Variants in LPAR2 observed in about 807,000 individuals in gnomAD.
The protein encoded by LPAR2 is G protein-coupled receptor.
A neutral mutation model predicts 15.6 loss-of-function variants in LPAR2; 10 were observed. That is an observed-to-expected ratio of 0.64 (90% CI 0.39 to 1.09). The LOEUF is 1.09. Ranked by LOEUF, LPAR2 falls within the 50% of genes least tolerant of loss-of-function variation. LPAR2 has a pLI of 0.01. For missense variants in LPAR2, 413 were observed against 484.6 expected (o/e 0.85, Z 1.39); for synonymous variants, 204 against 207.4 (o/e 0.98, Z 0.14).
At chr19:19,625,923 G>A (rs2061737646) in intron 2 of LPAR2, among the ~76,000 whole-genome samples, 1 of 123,768 alleles carries the variant, frequency 8.1e-6, no homozygotes, top group South Asian at 2.7e-4. Context: ...CGCTCTTGTT[G>A]CCCAGGCTGG....
Position 19,626,359 on chromosome 19 carries a change from T to C in LPAR2, c.742+184A>G, listed in dbSNP as rs909105923. On this transcript the variant is annotated intron_variant, in intron 2 of 2. Coordinates refer to ENST00000407877, the MANE Select transcript of LPAR2 (RefSeq NM_004720.7). The surrounding 1 kb of genome is among the most constrained non-coding windows in gnomAD (Gnocchi z 5.3). ...CGTTTCCTCTGCCTGGAAGGCTCTC[T>C]GTTCCTATCCTCAGCATTCAGGCCT... 1.3e-5 allele frequency among the ~76,000 whole-genome samples: 2 copies of C among 152,242 alleles called. No homozygotes were observed.
rs145986311 is a variant in LPAR2 at position 19,626,578 on chromosome 19, G to A, written c.707C>T (p.Thr236Met). The A allele has an allele frequency of 6.6e-3, 10,597 of 1,612,256 alleles. 54 individuals carry two copies. Among genetic ancestry groups the A allele is most frequent in the Non-Finnish European group, 7.4e-3 (8,780 of 1,179,518 alleles). Reference sequence around the variant, plus strand: ...GACAACAGTCTTGACCAGGCTGAGCGTGGTCTCTCGGTAGCGGGGGTGGCA... The same window carrying A: ...GACAACAGTCTTGACCAGGCTGAGCATGGTCTCTCGGTAGCGGGGGTGGCA... Residue 236 changes from threonine to methionine, a missense_variant, in exon 2 of 3, where the codon ACG becomes ATG. Transcript: ENST00000407877. This position sits in a 1 kb window ranked among gnomAD's most constrained non-coding sequence, Gnocchi z 5.3.
chr19:19,627,386 A>C lies in LPAR2; in HGVS notation c.1-102T>G. 1 of 1,214,760 alleles carries C rather than the reference A, an allele frequency of 8.2e-7. No homozygotes were observed. The highest frequency in any genetic ancestry group is 1.2e-6 in the Non-Finnish European group (1 of 865,988). The allele number at this position is 1,214,760 out of a possible 1,614,324, so 75.2% of individuals were successfully genotyped here. A position where few individuals can be genotyped will look rare whatever the true frequency, so the allele number is the denominator to read the frequency against. The stretch of plus-strand genomic sequence containing the variant: ...CAGCGCAGGAAGGACAAGGGTCTCA[A>C]ATTCAGATACCTCGAAGCAAAGTGG... On this transcript the variant is annotated intron_variant, in intron 1 of 2. Coordinates refer to ENST00000407877, the MANE Select transcript of LPAR2 (RefSeq NM_004720.7). This position sits in a 1 kb window ranked among gnomAD's most constrained non-coding sequence, Gnocchi z 4.7.
chr19:19,625,872 TCC>T (rs1365968783), intron 2 of LPAR2, among the ~76,000 whole-genome samples: 1 of 125,848 alleles, frequency 7.9e-6, no homozygotes, highest in Non-Finnish European at 1.6e-5. Context: ...TGCTAAAAAC[TCC>T]TTTTTTTTTT....
Position 19,626,857 on chromosome 19 carries a change from G to A in LPAR2, c.428C>T (p.Pro143Leu), listed in dbSNP as rs1406187964. The change falls in exon 2 of 3, where the codon CCC (proline) becomes CTC (leucine). Residue 143 changes from proline (P) to leucine (L), a missense_variant. Coordinates refer to ENST00000407877, the MANE Select transcript of LPAR2 (RefSeq NM_004720.7). The surrounding 1 kb of genome is among the most constrained non-coding windows in gnomAD (Gnocchi z 5.3). ...AATGAGCATGACCACGCGGCCACGG[G>A]GCAGGCGGCTGTGCAGCTGCACGGC... 1.3e-6 allele frequency: 2 copies of A among 1,593,918 alleles called. No homozygotes were observed. The highest frequency in any genetic ancestry group is 1.7e-6 in the Non-Finnish European group (2 of 1,170,990).
At position 19,624,234 on chromosome 19, in the gene LPAR2, G is replaced by A. The variant is rs117593489; in HGVS notation, c.*22C>T. On this transcript the variant is annotated 3_prime_UTR_variant, in exon 3 of 3. Coordinates refer to ENST00000407877, the MANE Select transcript of LPAR2 (RefSeq NM_004720.7). ...GGGCTGTGGATTTGTTGCTTGCCGC[G>A]TACCGCTGAAGTTCAAGGTAGCTAA... The A allele has an allele frequency of 5.3e-3, 8,345 of 1,584,276 alleles. 336 individuals carry two copies. In the Admixed American group the frequency reaches 0.092, roughly 17 times the overall value.
chr19:19,624,407 A>G lies in LPAR2; in HGVS notation c.905T>C (p.Met302Thr). The change falls in exon 3 of 3, where the codon ATG becomes ACG. Residue 302 changes from methionine to threonine, a missense_variant. Transcript: ENST00000407877. ...GAGAAGGCGGCGGAAGGTGCGGCGC[A>G]TCTCAGCATCTCGGCAAGAGTACAC... is the stretch of plus-strand genomic sequence containing the variant. 2 of 1,614,182 alleles carry G rather than the reference A, an allele frequency of 1.2e-6. No individual in the cohort carries two copies. The highest frequency in any genetic ancestry group is 2.2e-5 in the East Asian group (1 of 44,886).
Position 19,627,225 on chromosome 19 carries a change from A to G in LPAR2, c.60T>C (p.Ser20=). 4 of 1,610,882 alleles carry G rather than the reference A, an allele frequency of 2.5e-6. No individual in the cohort carries two copies. The highest frequency in any genetic ancestry group is 1.1e-5 in the South Asian group (1 of 91,086). ...GCCAGTGGGAGCTGAGCTCTTTGCCACTGTTGTTATAGAAGAAGCCGATGG... is the reference window on the plus strand; with the variant it reads ...GCCAGTGGGAGCTGAGCTCTTTGCCGCTGTTGTTATAGAAGAAGCCGATGG... Residue 20 remains serine, a synonymous_variant, in exon 2 of 3, where the codon AGT becomes AGC. Transcript: ENST00000407877. This position sits in a 1 kb window ranked among gnomAD's most constrained non-coding sequence, Gnocchi z 4.7.
rs1004049357 is a variant in LPAR2, at chr19:19,623,886, C to T, written c.*370G>A. On this transcript the variant is annotated 3_prime_UTR_variant, in exon 3 of 3. Transcript: ENST00000407877. ...CCCAGTCATACCGGGTAGCATGGCC[C>T]GAGAGAGCCCTTATCTCTCCCCACC... The T allele has an allele frequency of 4.4e-6, 1 of 227,660 alleles. No individual in the cohort carries two copies. The highest frequency in any genetic ancestry group is 8.7e-6 in the Non-Finnish European group (1 of 114,708). The allele number at this position is 227,660 out of a possible 1,614,324, so 14.1% of individuals were successfully genotyped here.
At position 19,626,671 on chromosome 19, in the gene LPAR2, A is replaced by T; in HGVS notation, c.614T>A (p.Val205Glu). 1 of 1,613,632 alleles carries T rather than the reference A, an allele frequency of 6.2e-7. No individual in the cohort carries two copies. The highest frequency in any genetic ancestry group is 8.5e-7 in the Non-Finnish European group (1 of 1,180,042). The change falls in exon 2 of 3, where the codon GTG becomes GAG. Residue 205 changes from valine (V) to glutamate (E), a missense_variant. Val to Glu is a moderately radical substitution (Grantham distance 121). Coordinates refer to ENST00000407877, the MANE Select transcript of LPAR2 (RefSeq NM_004720.7). The surrounding 1 kb of genome is among the most constrained non-coding windows in gnomAD (Gnocchi z 5.3). ...GAAGAAAATGCGGGTGTACACAGCC[A>T]CCATGAGCAGGAAGACAAGCAGGCT...
At position 19,627,001 on chromosome 19, in the gene LPAR2, C is replaced by T. The variant is rs761200801; in HGVS notation, c.284G>A (p.Arg95His). ...GCCCTCAAGTGAAAGTCGGGCTGTG[C>T]GGGGACCAGTGTGGAACATGAGGAA... The change falls in exon 2 of 3, where the codon CGC (arginine) becomes CAC (histidine). Residue 95 changes from arginine (R) to histidine (H), a missense_variant. Physicochemically the swap from Arg to His is conservative, Grantham distance 29. Coordinates refer to ENST00000407877, the MANE Select transcript of LPAR2 (RefSeq NM_004720.7). This position sits in a 1 kb window ranked among gnomAD's most constrained non-coding sequence, Gnocchi z 4.7. 4.3e-6 allele frequency: 7 copies of T among 1,613,370 alleles called. 1 individual carries two copies. Among genetic ancestry groups the T allele is most frequent in the African/African-American group, 4.0e-5 (3 of 74,936 alleles).
At chr19:19,624,656 G>C in intron 2 of LPAR2, 87 bp from the exon 3 acceptor site, 1 of 1,104,004 alleles carries the variant, frequency 9.1e-7, no homozygotes, top group Non-Finnish European at 1.3e-6. Flanking sequence ...GTGGTCTCCA[G>C]AGCTCGAGCA....
rs1015300590 is a variant in LPAR2, at chr19:19,628,208, G to C, written c.-117C>G. ...TAGAGCGTCCGGGTGCGCCCTGTGC[G>C]GGTTGCTGAGAGGGCGCGGGAGGCG... On this transcript the variant is annotated 5_prime_UTR_variant, in exon 1 of 3. Coordinates refer to ENST00000407877, the MANE Select transcript of LPAR2 (RefSeq NM_004720.7). The C allele has an allele frequency of 3.3e-5, 5 of 152,044 alleles. No homozygotes were observed. Among genetic ancestry groups the C allele is most frequent in the African/African-American group, 9.7e-5 (4 of 41,416 alleles). The allele number at this position is 152,044 out of a possible 1,614,324, so 9.4% of individuals were successfully genotyped here. A position where few individuals can be genotyped will look rare whatever the true frequency, so the allele number is the denominator to read the frequency against.
In LPAR2 at chr19:19,627,697, G is replaced by T. The variant is rs2002318; in HGVS notation, c.-1+395C>A. On this transcript the variant is annotated intron_variant, in intron 1 of 2. Coordinates refer to ENST00000407877, the MANE Select transcript of LPAR2 (RefSeq NM_004720.7). The surrounding 1 kb of genome is among the most constrained non-coding windows in gnomAD (Gnocchi z 4.7). ...GAGGGAGGATCACTTTGGTGCCGGAGTCAGTGTAGGGAGCAGAGACCCGGG... is the reference window on the plus strand; with the variant it reads ...GAGGGAGGATCACTTTGGTGCCGGATTCAGTGTAGGGAGCAGAGACCCGGG... The T allele has an allele frequency of 0.017, 4,104 of 239,288 alleles. 130 individuals are homozygous for T. Among genetic ancestry groups the T allele is most frequent in the Admixed American group, 0.069 (1,319 of 19,206 alleles). The allele number at this position is 239,288 out of a possible 1,614,324, so 14.8% of individuals were successfully genotyped here.
At chr19:19,624,709 A>G (rs1318302133) in intron 2 of LPAR2, 140 bp from the exon 3 acceptor site, 3 of 670,542 alleles carry the variant, frequency 4.5e-6, no homozygotes, top group Non-Finnish European at 7.7e-6. Flanking sequence ...TGTTTCCCTG[A>G]TTCTGCAGTG....
chr19:19,624,276 G>C lies in LPAR2; in HGVS notation c.1036C>G (p.Leu346Val), dbSNP rs1288534510. 6.2e-7 allele frequency: 1 copy of C among 1,608,902 alleles called. No homozygotes were observed. The highest frequency in any genetic ancestry group is 8.5e-7 in the Non-Finnish European group (1 of 1,175,870). Residue 346 changes from leucine (L) to valine (V), a missense_variant, in exon 3 of 3, where the codon CTG becomes GTG. Leu to Val is a conservative substitution (Grantham distance 32). Coordinates refer to ENST00000407877, the MANE Select transcript of LPAR2 (RefSeq NM_004720.7). Reference sequence around the variant, plus strand: ...GGTAGCTAAAGGGTGGAGTCCATCAGTGGGTGGCCGTTCTCGGGAAGCATG... The same window carrying C: ...GGTAGCTAAAGGGTGGAGTCCATCACTGGGTGGCCGTTCTCGGGAAGCATG...
chr19:19,626,943 G>C lies in LPAR2; in HGVS notation c.342C>G (p.Ser114Arg), dbSNP rs753740591. ...GCAGTGTGGCCACCGACGCAGTGAG[G>C]CTTGTGTCCAGCAAGCCCTGCCGCA... is the stretch of plus-strand genomic sequence containing the variant. The change falls in exon 2 of 3, where the codon AGC becomes AGG. Residue 114 changes from serine (S) to arginine (R), a missense_variant. By Grantham distance (110) the Ser-to-Arg change is moderately radical. Coordinates refer to ENST00000407877, the MANE Select transcript of LPAR2 (RefSeq NM_004720.7). The surrounding 1 kb of genome is among the most constrained non-coding windows in gnomAD (Gnocchi z 5.3). 1 of 1,608,718 alleles carries C rather than the reference G, an allele frequency of 6.2e-7. No individual in the cohort carries two copies. The highest frequency in any genetic ancestry group is 1.1e-5 in the South Asian group (1 of 90,520).
In LPAR2 at chr19:19,624,230, C is replaced by A; in HGVS notation, c.*26G>T. 6.3e-7 allele frequency: 1 copy of A among 1,576,618 alleles called. No individual in the cohort carries two copies. ...TCAGGGGCTGTGGATTTGTTGCTTG[C>A]CGCGTACCGCTGAAGTTCAAGGTAG... On this transcript the variant is annotated 3_prime_UTR_variant, in exon 3 of 3. Transcript: ENST00000407877.
Position 19,624,720 on chromosome 19 carries a change from T to C in LPAR2, c.743-151A>G. ...TGCTTGTTTCCCTGATTCTGCAGTG[T>C]GACAGGAAGGCCTGCTAAGATGGGA... On this transcript the variant is annotated intron_variant, in intron 2 of 2. Coordinates refer to ENST00000407877, the MANE Select transcript of LPAR2 (RefSeq NM_004720.7). The C allele has an allele frequency of 2.6e-5, 17 of 649,816 alleles. No individual in the cohort carries two copies. In the South Asian group the frequency reaches 3.3e-4, roughly 13 times the overall value. The allele number at this position is 649,816 out of a possible 1,614,324, so 40.3% of individuals were successfully genotyped here.
Sources: gnomAD v4.1 joint callset for allele counts (sites outside exome capture counted in the v4.1 genomes callset) on GRCh38, gnomAD v4.1.1 for gene constraint, Gnocchi (gnomAD v3.1) non-coding constraint, MANE v1.5 for transcripts, NCBI Gene and HGNC (gene_info 2026-07-23, HGNC 2026-07-21) for gene names.